The following DARS1 variants were observed in gnomAD, a reference collection of about 807,000 sequenced individuals.
DARS1 encodes aspartyl-tRNA synthetase 1, also known as aspartate--tRNA ligase, cytoplasmic.
A neutral mutation model predicts 68.8 loss-of-function variants in DARS1; 51 were observed. The ratio of observed to expected loss-of-function variants is 0.74; its 90% CI spans 0.59 to 0.94. The LOEUF (loss-of-function observed/expected upper bound fraction) is 0.94, where lower values mean the gene tolerates loss of function less well. DARS1 is among the 40% of genes least tolerant of loss of function. The pLI is 0.00. For missense variants in DARS1, 607 were observed against 597.3 expected (o/e 1.02, Z -0.17); for synonymous variants, 203 against 190.4 (o/e 1.07, Z -0.55).
In DARS1 at chr2:135,907,226, G is replaced by C; in HGVS notation, c.*90C>G. 1.3e-6 allele frequency: 1 copy of C among 798,886 alleles called. No homozygotes were observed. The allele number at this position is 798,886 out of a possible 1,614,324, so 49.5% of individuals were successfully genotyped here. A position where few individuals can be genotyped will look rare whatever the true frequency, so the allele number is the denominator to read the frequency against. On this transcript the variant is annotated 3_prime_UTR_variant, in exon 16 of 16. Coordinates refer to ENST00000264161, the MANE Select transcript of DARS1 (RefSeq NM_001349.4). ...CTGTGCACTAGCAGGTTACTGAAAA[G>C]AATAAGTGTGGCTTTCTTTTTTTTT...
At position 135,907,261 on chromosome 2, in the gene DARS1, T is replaced by TTTTTTTTTTTTTTTTTTGGG; in HGVS notation, c.*54_*55insCCCAAAAAAAAAAAAAAAAA. ...GGCTTTCTTTTTTTTTTTTTTTTTT[T>TTTTTTTTTTTTTTTTTTGGG]GAGGCAGGGTCTCGCTCTGTCATCC... is the stretch of plus-strand genomic sequence containing the variant. On this transcript the variant is annotated 3_prime_UTR_variant, in exon 16 of 16. Coordinates refer to ENST00000264161, the MANE Select transcript of DARS1 (RefSeq NM_001349.4). 2 of 889,242 alleles carry TTTTTTTTTTTTTTTTTTGGG rather than the reference T, an allele frequency of 2.2e-6. No homozygotes were observed. Among genetic ancestry groups the TTTTTTTTTTTTTTTTTTGGG allele is most frequent in the Non-Finnish European group, 3.3e-6 (2 of 601,878 alleles). The allele number at this position is 889,242 out of a possible 1,614,324, so 55.1% of individuals were successfully genotyped here.
chr2:135,908,124 T>C (rs1238721073), intron 15 of DARS1, among the ~76,000 whole-genome samples: 1 of 152,238 alleles, frequency 6.6e-6, no homozygotes, highest in Admixed American at 6.5e-5. Flanking sequence ...GGTTTATATA[T>C]AATAGTATGC....
chr2:135,912,800 T>A (rs140706614), intron 12 of DARS1, among the ~76,000 whole-genome samples: 308 of 146,746 alleles, frequency 2.1e-3, no homozygotes, highest in African/African-American at 7.3e-3. Flanking sequence ...CCATAGTTTT[T>A]AAATTTTTTT....
rs562613512 is a variant in DARS1 at position 135,952,891 on chromosome 2, C to A, written c.320+8505G>T. On this transcript the variant is annotated intron_variant, in intron 4 of 15. Transcript: ENST00000264161. ...TCATTTCATTTCCTTTGAATAATTA[C>A]CCCATAATGGGATTACTGGATCATA... Among the ~76,000 whole-genome samples the A allele has an allele frequency of 3.9e-5, 6 of 152,224 alleles. No homozygotes were observed. The East Asian group carries it at 1.2e-3, about 29-fold the overall frequency.
chr2:135,914,867 C>G (rs191843145), intron 11 of DARS1: 39 of 168,756 alleles, frequency 2.3e-4, no homozygotes, highest in Admixed American at 1.8e-3. Context: ...ATAATCTTCC[C>G]TTTTTGGTAC....
At chr2:135,979,956 G>A (rs1178557022) in intron 2 of DARS1, among the ~76,000 whole-genome samples, 1 of 152,116 alleles carries the variant, frequency 6.6e-6, no homozygotes, top group Non-Finnish European at 1.5e-5. Flanking sequence ...GGATTGCTGC[G>A]CTGACATGGT....
At chr2:135,925,006 T>C (rs1204082192) in intron 7 of DARS1, among the ~76,000 whole-genome samples, 1 of 152,110 alleles carries the variant, frequency 6.6e-6, no homozygotes, top group Non-Finnish European at 1.5e-5. Flanking sequence ...AAGAAAAAAA[T>C]ACAATAAAAG....
chr2:135,958,806 T>C (rs1682034630), intron 4 of DARS1, among the ~76,000 whole-genome samples: 2 of 152,296 alleles, frequency 1.3e-5, no homozygotes, highest in Admixed American at 6.5e-5. Context: ...ATAATAGTTA[T>C]CTATGTACCA....
Position 135,914,185 on chromosome 2 carries a change from C to G in DARS1, c.1149+284G>C, listed in dbSNP as rs950869754. 2.0e-5 allele frequency among the ~76,000 whole-genome samples: 3 copies of G among 152,186 alleles called. No homozygotes were observed. The East Asian group carries it at 5.8e-4, about 29-fold the overall frequency. ...AATAATTTTCAAATAACTTGGAGGT[C>G]ATTTCCAACTAATCCGACATAGGTA... On this transcript the variant is annotated intron_variant, in intron 12 of 15. Coordinates refer to ENST00000264161, the MANE Select transcript of DARS1 (RefSeq NM_001349.4).
intron 4 of DARS1, among the ~76,000 whole-genome samples, chr2:135,950,706 A>G (rs541441404): frequency 6.6e-6 from 1 of 152,358 alleles, no homozygotes; most frequent in Non-Finnish European, 1.5e-5. Flanking sequence ...TCAGTGAAAC[A>G]ACGAAAACAC....
At chr2:135,941,708 C>T (rs1394840381) in intron 5 of DARS1, among the ~76,000 whole-genome samples, 3 of 151,604 alleles carry the variant, frequency 2.0e-5, no homozygotes, top group African/African-American at 7.3e-5. Context: ...AAACTACCAT[C>T]AGAGTGAACA....
At chr2:135,975,299 TG>T (rs1464825749) in intron 3 of DARS1, among the ~76,000 whole-genome samples, 1 of 152,034 alleles carries the variant, frequency 6.6e-6, no homozygotes, top group Non-Finnish European at 1.5e-5. Flanking sequence ...GAGCGGAGAC[TG>T]TGCCACTGCA....
chr2:135,970,670 T>C lies in DARS1; in HGVS notation c.217+8604A>G, dbSNP rs544458701. On this transcript the variant is annotated intron_variant, in intron 3 of 15. Coordinates refer to ENST00000264161, the MANE Select transcript of DARS1 (RefSeq NM_001349.4). ...TATAAAAGATCAATGAAACAAAAAG[T>C]TGGTTTTTTGAAAAGATAAACAAAA... Among the ~76,000 whole-genome samples, 28 of 152,072 alleles carry C rather than the reference T, an allele frequency of 1.8e-4. 1 individual carries two copies. The South Asian group carries it at 5.2e-3, about 28-fold the overall frequency.
chr2:135,914,276 T>C (rs913797952), intron 12 of DARS1, among the ~76,000 whole-genome samples, 193 bp downstream of exon 12: 9 of 152,222 alleles, frequency 5.9e-5, no homozygotes, highest in Admixed American at 3.9e-4. Context: ...TCAGATCATC[T>C]GGGAGAAAGG....
chr2:135,975,202 G>A (rs309157), intron 3 of DARS1, among the ~76,000 whole-genome samples: 27,967 of 151,774 alleles, frequency 0.18, 2,821 homozygotes, highest in Middle Eastern at 0.4. Flanking sequence ...AAAATTAGCC[G>A]GGCGTGGTGG....
At chr2:135,941,799 C>A (rs1032425392) in intron 5 of DARS1, among the ~76,000 whole-genome samples, 76 of 151,464 alleles carry the variant, frequency 5.0e-4, no homozygotes, top group South Asian at 2.9e-3. Context: ...CAATGAACTC[C>A]AACAAATTTA....
intron 3 of DARS1, among the ~76,000 whole-genome samples, chr2:135,974,766 G>T (rs2104845266): frequency 6.6e-6 from 1 of 152,262 alleles, no homozygotes; most frequent in Middle Eastern, 3.4e-3. Context: ...AGGACATAAT[G>T]ATCATCATTT....
intron 4 of DARS1, among the ~76,000 whole-genome samples, chr2:135,948,022 T>C (rs189395282): frequency 1.3e-5 from 2 of 152,350 alleles, no homozygotes; most frequent in East Asian, 1.9e-4. Context: ...AAAGTTATAT[T>C]TAGCCCAGGA....
chr2:135,960,394 G>T (rs746918691), intron 4 of DARS1, among the ~76,000 whole-genome samples: 2 of 152,078 alleles, frequency 1.3e-5, no homozygotes, highest in Non-Finnish European at 2.9e-5. Context: ...GTGCTAGAGG[G>T]TCAGGGAGGG....
Sources: allele counts gnomAD v4.1 joint callset (sites outside exome capture counted in the v4.1 genomes callset), GRCh38; gene constraint gnomAD v4.1.1; transcripts MANE v1.5; gene names NCBI Gene and HGNC (gene_info 2026-07-23, HGNC 2026-07-21).